Variants in ADCY7 observed in about 807,000 individuals in gnomAD.
ADCY7 encodes adenylate cyclase 7, also known as adenylate cyclase type 7.
In ADCY7, 72 loss-of-function variants were observed where a neutral mutation model predicts 120.6. The observed-to-expected ratio is 0.60, with a 90% CI of 0.49 to 0.73. The LOEUF is 0.73. Ranked by LOEUF, ADCY7 falls within the 30% of genes least tolerant of loss-of-function variation. ADCY7 has a pLI of 0.00. For synonymous variants in ADCY7, 661 were observed against 628.0 expected (o/e 1.05, Z -0.78); for missense variants, 1,227 against 1,486.0 (o/e 0.83, Z 2.87).
intron 23 of ADCY7, 112 bp downstream of exon 23, chr16:50,314,174 T>G (rs1200900678): frequency 1.2e-5 from 17 of 1,410,902 alleles, no homozygotes; most frequent in Non-Finnish European, 1.6e-5. Flanking sequence ...GCACAGGTAC[T>G]TGTAGGGCTC....
At chr16:50,269,930 T>C (rs1451294622) in intron 1 of ADCY7, among the ~76,000 whole-genome samples, 1 of 152,136 alleles carries the variant, frequency 6.6e-6, no homozygotes, top group Admixed American at 6.5e-5. Flanking sequence ...GGTTCACACC[T>C]GCAGTCCCAG....
chr16:50,314,854 G>C, intron 24 of ADCY7, 160 bp from the exon 25 acceptor site: 2 of 948,960 alleles, frequency 2.1e-6, no homozygotes, highest in Non-Finnish European at 3.2e-6. Context: ...CATACCCCAA[G>C]CCCGACTGCA....
chr16:50,274,379 G>A (rs2033748928), intron 1 of ADCY7, among the ~76,000 whole-genome samples: 1 of 148,944 alleles, frequency 6.7e-6, no homozygotes, highest in Non-Finnish European at 1.5e-5. Context: ...GGGGTCTTGG[G>A]CTCCAGGGAC....
At chr16:50,289,676 G>A (rs2034817390) in intron 2 of ADCY7, among the ~76,000 whole-genome samples, 2 of 152,154 alleles carry the variant, frequency 1.3e-5, no homozygotes, top group Non-Finnish European at 2.9e-5. Flanking sequence ...ATGTTGGCCA[G>A]GCTGGTCTCA....
At chr16:50,307,995 C>CA (rs34191947) in intron 15 of ADCY7, among the ~76,000 whole-genome samples, 13,373 of 64,668 alleles carry the variant, frequency 0.21, 1,843 homozygotes, top group Non-Finnish European at 0.25. Context: ...GACTCCATCT[C>CA]AAAAAAAAAA....
intron 7 of ADCY7, among the ~76,000 whole-genome samples, chr16:50,296,079 G>A (rs1255873763): frequency 1.3e-5 from 2 of 152,188 alleles, no homozygotes; most frequent in African/African-American, 4.8e-5. Flanking sequence ...TTGAGACAGA[G>A]TCTTGCTCTG....
At chr16:50,305,060 G>C in intron 12 of ADCY7, 101 bp downstream of exon 12, 1 of 1,455,556 alleles carries the variant, frequency 6.9e-7, no homozygotes, top group Non-Finnish European at 9.5e-7. Flanking sequence ...GCAAGGCCCA[G>C]CCCAGGACCT....
At chr16:50,314,814 G>A in intron 24 of ADCY7, 200 bp from the exon 25 acceptor site, 1 of 621,734 alleles carries the variant, frequency 1.6e-6, no homozygotes, top group Non-Finnish European at 2.8e-6. Context: ...TTCTGAGTCT[G>A]AAAAAGAGCT....
At chr16:50,302,863 C>T (rs1457830170) in intron 10 of ADCY7, among the ~76,000 whole-genome samples, 1 of 152,194 alleles carries the variant, frequency 6.6e-6, no homozygotes. Context: ...GTCTGTAGCT[C>T]CTGTTTTTGA....
Position 50,298,999 on chromosome 16 carries a change from G to A in ADCY7, c.1044G>A (p.Val348=). The A allele has an allele frequency of 6.2e-7, 1 of 1,612,824 alleles. No homozygotes were observed. Among genetic ancestry groups the A allele is most frequent in the Non-Finnish European group, 8.5e-7 (1 of 1,180,014 alleles). ...VSLPTHARNC[V]KMGLDMCQAI... The stretch of plus-strand genomic sequence containing the variant: ...TGCCTACCCACGCCCGGAACTGCGT[G>A]AAGATGGGGCTGGACATGTGCCAGG... The change falls in exon 8 of 26, where the codon GTG becomes GTA. Residue 348 remains valine, a synonymous_variant. Transcript: ENST00000673801.
chr16:50,267,500 A>G (rs1375902083), intron 1 of ADCY7, among the ~76,000 whole-genome samples: 1 of 152,074 alleles, frequency 6.6e-6, no homozygotes, highest in Non-Finnish European at 1.5e-5. Flanking sequence ...CCCTGGGTCC[A>G]AGGCCTGGAC....
chr16:50,315,299 C>T, intron 25 of ADCY7, 60 bp from the exon 26 acceptor site: 1 of 1,582,792 alleles, frequency 6.3e-7, no homozygotes, highest in Non-Finnish European at 8.6e-7. Context: ...CTCTATCTGT[C>T]CCTACCATGA....
At chr16:50,284,107 C>T (rs2034440733) in intron 1 of ADCY7, among the ~76,000 whole-genome samples, 1 of 152,142 alleles carries the variant, frequency 6.6e-6, no homozygotes, top group Admixed American at 6.5e-5. Flanking sequence ...GCAGGGGGTG[C>T]CTCTGGGTCT....
chr16:50,312,207 G>C lies in ADCY7; in HGVS notation c.2604+16G>C. On this transcript the variant is annotated intron_variant, in intron 21 of 25. Transcript: ENST00000673801. ...GTTAAACGAGGTGTGCTGAGAAGGG[G>C]CTGGGGCGGGGGCAGGGAGGCGGAC... 1 of 1,020,328 alleles carries C rather than the reference G, an allele frequency of 9.8e-7. No homozygotes were observed. The highest frequency in any genetic ancestry group is 1.3e-6 in the Non-Finnish European group (1 of 783,244). 63.2% of individuals were successfully genotyped at this position (1,020,328 alleles called of 1,614,324 possible). A position where few individuals can be genotyped will look rare whatever the true frequency, so the allele number is the denominator to read the frequency against.
In ADCY7 at chr16:50,247,539, A is replaced by ATTTTT. The variant is rs5816683; in HGVS notation, c.-64+1352_-64+1356dup. Among the ~76,000 whole-genome samples the ATTTTT allele has an allele frequency of 4.7e-4, 52 of 111,334 alleles. 1 individual carries two copies. Among genetic ancestry groups the ATTTTT allele is most frequent in the East Asian group, 7.9e-4 (3 of 3,808 alleles). The allele number at this position is 111,334 out of a possible 152,430, so 73.0% of individuals were successfully genotyped here. A position where few individuals can be genotyped will look rare whatever the true frequency, so the allele number is the denominator to read the frequency against. ...GCCACCACGCCTGGCTAATTTAGTA[A>ATTTTT]TTTTTTTTTTTTTTTTTTTTGGTGG... is the stretch of plus-strand genomic sequence containing the variant. On this transcript the variant is annotated intron_variant, in intron 1 of 4. Transcript: ENST00000564044.
At chr16:50,311,283 G>A (rs79820951) in intron 19 of ADCY7, among the ~76,000 whole-genome samples, 2,398 of 152,214 alleles carry the variant, frequency 0.016, 63 homozygotes, top group African/African-American at 0.054. Flanking sequence ...GTGGATTAAG[G>A]AGCGGACCTG....
intron 4 of ADCY7, 143 bp from the exon 5 acceptor site, chr16:50,292,533 C>T: frequency 1.9e-6 from 2 of 1,035,670 alleles, no homozygotes; most frequent in South Asian, 3.2e-5. Context: ...GTTTCCCTGT[C>T]TGCCCCAGGA....
chr16:50,300,624 A>G (rs2035651006), intron 8 of ADCY7, 91 bp from the exon 9 acceptor site: 2 of 1,456,114 alleles, frequency 1.4e-6, no homozygotes, highest in African/African-American at 2.8e-5. Context: ...CCCTGTTCCC[A>G]CATGCTGCCC....
chr16:50,304,270 A>G, intron 10 of ADCY7, 90 bp from the exon 11 acceptor site: 1 of 1,254,122 alleles, frequency 8.0e-7, no homozygotes, highest in Non-Finnish European at 1.0e-6. Flanking sequence ...GCGGCGTCAC[A>G]CTTCAGGGAG....
Sources: allele counts gnomAD v4.1 joint callset (sites outside exome capture counted in the v4.1 genomes callset), GRCh38; gene constraint gnomAD v4.1.1; transcripts MANE v1.5; gene names NCBI Gene and HGNC (gene_info 2026-07-23, HGNC 2026-07-21).